The following PHEX variants were observed in gnomAD, a reference collection of about 807,000 sequenced individuals.
The protein encoded by PHEX is phosphate-regulating neutral endopeptidase PHEX.
A neutral mutation model predicts 68.0 loss-of-function variants in PHEX; 16 were observed. That is an observed-to-expected ratio of 0.24 (90% CI 0.16 to 0.36). The LOEUF (loss-of-function observed/expected upper bound fraction) is 0.36. Ranked by LOEUF, PHEX falls within the 10% of genes least tolerant of loss-of-function variation. The pLI, the probability that PHEX is intolerant of heterozygous loss-of-function variation, is 1.00. For synonymous variants in PHEX, 208 were observed against 205.1 expected, an observed-to-expected ratio of 1.01 and a Z score of -0.12; for missense variants, 480 against 575.5, an observed-to-expected ratio of 0.83 and a Z score of 1.70.
At chrX:22,041,265 C>CTCTCTCTCTCTCTATA (rs1468778300) in intron 2 of PHEX, among the ~76,000 whole-genome samples, 23 of 72,813 alleles carry the variant, frequency 3.2e-4, no homozygotes, top group African/African-American at 1.3e-3. Flanking sequence ...CTCTCTCTCT[C>CTCTCTCTCTCTCTATA]TATATATATA....
At chrX:22,227,167 T>C (rs1483061671) in intron 19 of PHEX, among the ~76,000 whole-genome samples, 2 of 112,454 alleles carry the variant, frequency 1.8e-5, no homozygotes, top group South Asian at 3.6e-4. Flanking sequence ...AAAAAGGTAA[T>C]ATGCGGACCC....
At chrX:22,238,564 T>G (rs1168782009) in intron 20 of PHEX, among the ~76,000 whole-genome samples, 2 of 111,571 alleles carry the variant, frequency 1.8e-5, no homozygotes, top group Non-Finnish European at 3.8e-5. Flanking sequence ...TGACCTGGGA[T>G]GCTTAAGCTT....
chrX:22,035,964 G>A (rs1225328304), intron 1 of PHEX, among the ~76,000 whole-genome samples: 5 of 99,797 alleles, frequency 5.0e-5, no homozygotes, highest in Non-Finnish European at 1.0e-4. Flanking sequence ...CTTCCTTGAG[G>A]GGTTGGGTCT....
At chrX:22,231,117 G>A (rs1246525603) in intron 20 of PHEX, among the ~76,000 whole-genome samples, 4 of 112,504 alleles carry the variant, frequency 3.6e-5, no homozygotes, top group Non-Finnish European at 7.5e-5. Context: ...GTATGAAGCC[G>A]ACTTGATCAT....
intron 12 of PHEX, among the ~76,000 whole-genome samples, chrX:22,139,362 T>G (rs1368316716): frequency 8.9e-6 from 1 of 111,909 alleles, no homozygotes; most frequent in East Asian, 2.8e-4. Context: ...AGGGGATGCA[T>G]TTCTTTTCTC....
Position 22,249,108 on chromosome X carries a change from T to C in PHEX, c.*1155T>C, listed in dbSNP as rs761631760. 9.1e-6 allele frequency: 1 copy of C among 110,281 alleles called. No individual in the cohort carries two copies. Among genetic ancestry groups the C allele is most frequent in the South Asian group, 3.9e-4 (1 of 2,563 alleles). The allele number at this position is 110,281 out of a possible 1,213,427, so 9.1% of individuals were successfully genotyped here. The stretch of plus-strand genomic sequence containing the variant: ...GCATAGTCCAAATAAACATAATTTT[T>C]ACTCTTCAAGTCATCTAAAGAGTTG... On this transcript the variant is annotated 3_prime_UTR_variant, in exon 22 of 22. Transcript: ENST00000379374.
chrX:22,224,993 G>GATTTATTATCATACAGCGCTGTATGAT, intron 18 of PHEX, among the ~76,000 whole-genome samples: 243 of 98,933 alleles, frequency 2.5e-3, no homozygotes, highest in Non-Finnish European at 3.1e-3. Flanking sequence ...AGCTCTGTAT[G>GATTTATTATCATACAGCGCTGTATGAT]TCAGAAGTCT....
chrX:22,067,241 C>T (rs1401312589), intron 3 of PHEX, among the ~76,000 whole-genome samples: 2 of 104,369 alleles, frequency 1.9e-5, no homozygotes, highest in Admixed American at 1.0e-4. Flanking sequence ...GGCCCTGTCT[C>T]GAAAAAAAAA....
chrX:22,037,417 TCA>T (rs781408897), intron 1 of PHEX, among the ~76,000 whole-genome samples: 58 of 111,495 alleles, frequency 5.2e-4, no homozygotes, highest in African/African-American at 1.8e-3. Flanking sequence ...TTGTTTCTGC[TCA>T]CAGAGCACAG....
intron 11 of PHEX, among the ~76,000 whole-genome samples, chrX:22,129,425 C>A (rs930577479): frequency 9.0e-6 from 1 of 111,404 alleles, no homozygotes; most frequent in African/African-American, 3.3e-5. Context: ...TAGCCATGTG[C>A]GAAGAAATAT....
intron 3 of PHEX, among the ~76,000 whole-genome samples, chrX:22,047,519 C>T (rs927056518): frequency 1.8e-5 from 2 of 112,021 alleles, no homozygotes; most frequent in African/African-American, 3.2e-5. Flanking sequence ...TATCAATATA[C>T]TCATTTGTTG....
chrX:22,179,788 C>A (rs1438181805), intron 14 of PHEX, among the ~76,000 whole-genome samples: 3 of 111,348 alleles, frequency 2.7e-5, no homozygotes, highest in South Asian at 7.4e-4. Flanking sequence ...TATTTTAATT[C>A]TTTGAAGTCA....
At chrX:22,047,810 T>G (rs1927613682) in intron 3 of PHEX, among the ~76,000 whole-genome samples, 1 of 111,927 alleles carries the variant, frequency 8.9e-6, no homozygotes, top group South Asian at 3.7e-4. Context: ...CCGCCAAAGT[T>G]GGAAATGTCT....
chrX:22,187,278 G>T (rs1934061215), intron 14 of PHEX, among the ~76,000 whole-genome samples: 1 of 111,797 alleles, frequency 8.9e-6, no homozygotes, highest in African/African-American at 3.3e-5. Flanking sequence ...GCAGAATCCA[G>T]TTCTTTCTGA....
chrX:22,055,174 CAAAAAAAAAAAAAAAAAAAAAAAAAAA>C (rs111628195), intron 3 of PHEX, among the ~76,000 whole-genome samples: 2 of 66,106 alleles, frequency 3.0e-5, no homozygotes, highest in Admixed American at 2.2e-4. Context: ...GACTCCAGCT[CAAAAAAAAAAAAAAAAAAAAAAAAAAA>C]AAAAAAAAAA....
At chrX:22,197,987 C>G (rs1229761792) in intron 15 of PHEX, among the ~76,000 whole-genome samples, 1 of 106,366 alleles carries the variant, frequency 9.4e-6, no homozygotes, top group Non-Finnish European at 1.9e-5. Flanking sequence ...TTAAATGATA[C>G]TATATATTTA....
At chrX:22,087,835 A>G (rs1929690665) in intron 5 of PHEX, among the ~76,000 whole-genome samples, 1 of 112,105 alleles carries the variant, frequency 8.9e-6, no homozygotes, top group African/African-American at 3.2e-5. Flanking sequence ...CATTTTATTT[A>G]TCTTTAGTCA....
chrX:22,212,533 C>T (rs1934962729), intron 15 of PHEX, among the ~76,000 whole-genome samples: 1 of 111,849 alleles, frequency 8.9e-6, no homozygotes, highest in South Asian at 3.8e-4. Context: ...GGACCCTTCT[C>T]TCTGTGGGGC....
chrX:22,091,598 G>A (rs956020097), intron 6 of PHEX, among the ~76,000 whole-genome samples: 1 of 111,509 alleles, frequency 9.0e-6, no homozygotes, highest in Non-Finnish European at 1.9e-5. Context: ...GCATGCCTTC[G>A]CTCCCAAGAC....
Sources: allele counts gnomAD v4.1 joint callset (sites outside exome capture counted in the v4.1 genomes callset), GRCh38; gene constraint gnomAD v4.1.1; transcripts MANE v1.5; gene names NCBI Gene and HGNC (gene_info 2026-07-23, HGNC 2026-07-21).